The following EML6 variants were observed in gnomAD, a reference collection of about 807,000 sequenced individuals.
EML6 encodes EMAP like 6, also known as echinoderm microtubule-associated protein-like 6.
Under a neutral mutation model 240.1 loss-of-function variants are expected in EML6, and 154 were observed. The observed-to-expected ratio is 0.64, with a 90% CI of 0.56 to 0.73. The LOEUF is 0.73. EML6 is among the 30% of genes least tolerant of loss of function. EML6 has a pLI of 0.00. For missense variants in EML6, 2,964 were observed against 2,474.6 expected, an observed-to-expected ratio of 1.20 and a Z score of -4.20; for synonymous variants, 1,148 against 899.0, an observed-to-expected ratio of 1.28 and a Z score of -4.95.
At chr2:54,961,791 G>C (rs936030332) in intron 35 of EML6, among the ~76,000 whole-genome samples, 18 of 151,924 alleles carry the variant, frequency 1.2e-4, no homozygotes, top group African/African-American at 4.3e-4. Context: ...CATCACTTGA[G>C]GTCAGGAGTT....
chr2:54,968,667 G>A lies in EML6; in HGVS notation c.5752-1G>A. 1.3e-6 allele frequency: 2 copies of A among 1,546,646 alleles called. No homozygotes were observed. The highest frequency in any genetic ancestry group is 1.8e-6 in the Non-Finnish European group (2 of 1,142,432). On this transcript the variant is annotated splice_acceptor_variant, in intron 40 of 41. Coordinates refer to ENST00000356458, the MANE Select transcript of EML6 (RefSeq NM_001039753.4). LOFTEE classifies it high-confidence loss of function. Reference sequence around the variant, plus strand: ...CTGTCTCCATTCACTTTTGCTCACAGGCCAAACATAAGCGATACTTCGGTC... The same window carrying A: ...CTGTCTCCATTCACTTTTGCTCACAAGCCAAACATAAGCGATACTTCGGTC...
chr2:54,911,596 ATTTTT>A (rs1263765461), intron 25 of EML6, among the ~76,000 whole-genome samples: 1 of 151,900 alleles, frequency 6.6e-6, no homozygotes, highest in Admixed American at 6.6e-5. Context: ...CACCCAGCTA[ATTTTT>A]TTATTTTATT....
chr2:54,949,796 C>A (rs939370316), intron 29 of EML6, among the ~76,000 whole-genome samples: 6 of 152,306 alleles, frequency 3.9e-5, no homozygotes, highest in African/African-American at 1.2e-4. Context: ...ATCTCTGGCC[C>A]CCCAAACCCA....
At chr2:54,933,041 G>GT (rs1674943601) in intron 28 of EML6, among the ~76,000 whole-genome samples, 1 of 152,116 alleles carries the variant, frequency 6.6e-6, no homozygotes. Flanking sequence ...CAGGATTCTG[G>GT]TTTTTTCCTT....
rs901585181 is a variant in EML6 at position 54,797,179 on chromosome 2, A to C, written c.198-16053A>C. Among the ~76,000 whole-genome samples, 65 of 146,998 alleles carry C rather than the reference A, an allele frequency of 4.4e-4. 2 individuals are homozygous for C. Among genetic ancestry groups the C allele is most frequent in the Non-Finnish European group, 9.3e-4 (61 of 65,696 alleles). On this transcript the variant is annotated intron_variant, in intron 2 of 41. Coordinates refer to ENST00000356458, the MANE Select transcript of EML6 (RefSeq NM_001039753.4). ...GACTCCATCTCAAAAAAAAAAAAAAAAAAAAAAAAACTGTGATCTTGTAGG... is the reference window on the plus strand; with the variant it reads ...GACTCCATCTCAAAAAAAAAAAAAACAAAAAAAAAACTGTGATCTTGTAGG...
In EML6 at chr2:54,865,624, T is replaced by G. The variant is rs537315950; in HGVS notation, c.1933-1142T>G. Among the ~76,000 whole-genome samples, 35 of 152,374 alleles carry G rather than the reference T, an allele frequency of 2.3e-4. 1 individual carries two copies. In the South Asian group the frequency reaches 6.2e-3, roughly 27 times the overall value. ...AGGAAATGTGCATTGGAGCATTTTG[T>G]GTTTTGGTTTTGGATTTGGAATGCT... On this transcript the variant is annotated intron_variant, in intron 13 of 41. Coordinates refer to ENST00000356458, the MANE Select transcript of EML6 (RefSeq NM_001039753.4).
At position 54,968,685 on chromosome 2, in the gene EML6, C is replaced by T. The variant is rs748684461; in HGVS notation, c.5769C>T (p.Tyr1923=). 33 of 1,550,600 alleles carry T rather than the reference C, an allele frequency of 2.1e-5. No homozygotes were observed. Among genetic ancestry groups the T allele is most frequent in the Non-Finnish European group, 2.8e-5 (32 of 1,146,090 alleles). The change falls in exon 41 of 42, where the codon TAC becomes TAT. Residue 1923 remains tyrosine (Y), a synonymous_variant. Transcript: ENST00000356458. ...GCTCACAGGCCAAACATAAGCGATA[C>T]TTCGGTCACTCGGCTCACGTGACGA... is the stretch of plus-strand genomic sequence containing the variant. ...CTEKFAKHKR[Y]FGHSAHVTNI... is the part of the protein sequence containing the mutation.
At position 54,968,168 on chromosome 2, in the gene EML6, G is replaced by A; in HGVS notation, c.5638G>A (p.Ala1880Thr). The A allele has an allele frequency of 1.3e-6, 2 of 1,551,646 alleles. No homozygotes were observed. Residue 1880 changes from alanine to threonine, a missense_variant, in exon 40 of 42, where the codon GCA (alanine) becomes ACA (threonine). Ala to Thr is a moderately conservative substitution (Grantham distance 58). Coordinates refer to ENST00000356458, the MANE Select transcript of EML6 (RefSeq NM_001039753.4). ...DEVIGIWPRN[A>T]DKADVNCACV... ...AGTCATTGGAATCTGGCCACGAAAT[G>A]CAGACAAGGCTGATGTCAACTGCGC... is the stretch of plus-strand genomic sequence containing the variant.
chr2:54,950,126 C>G (rs1675899549), intron 29 of EML6, among the ~76,000 whole-genome samples: 1 of 148,684 alleles, frequency 6.7e-6, no homozygotes, highest in South Asian at 2.1e-4. Context: ...AGACTATAAA[C>G]CTCAACAGTA....
chr2:54,946,574 C>T (rs1675703888), intron 28 of EML6, among the ~76,000 whole-genome samples: 1 of 152,246 alleles, frequency 6.6e-6, no homozygotes. Context: ...GTCCCTCCCA[C>T]ATCTGATGTT....
chr2:54,759,594 A>G (rs1256429387), intron 2 of EML6, among the ~76,000 whole-genome samples: 2 of 152,128 alleles, frequency 1.3e-5, no homozygotes, highest in African/African-American at 4.8e-5. Context: ...TTAGCAATGG[A>G]TGCCAAATCT....
chr2:54,928,882 C>A (rs892366512), intron 28 of EML6, 131 bp downstream of exon 28: 5 of 1,066,876 alleles, frequency 4.7e-6, no homozygotes, highest in Non-Finnish European at 6.8e-6. Context: ...ACAGAGTCTT[C>A]ACCTGTACAC....
At chr2:54,795,528 G>A (rs1012701100) in intron 2 of EML6, among the ~76,000 whole-genome samples, 3 of 152,172 alleles carry the variant, frequency 2.0e-5, no homozygotes, top group African/African-American at 7.2e-5. Flanking sequence ...AAAGGGAAGA[G>A]GGGAAGGAGG....
intron 2 of EML6, among the ~76,000 whole-genome samples, chr2:54,803,631 A>G (rs1158192807): frequency 3.9e-5 from 6 of 152,208 alleles, no homozygotes; most frequent in African/African-American, 1.2e-4. Context: ...TAAGTTAAAG[A>G]TGAACTCTGC....
chr2:54,792,555 A>T (rs1014655280), intron 2 of EML6, among the ~76,000 whole-genome samples: 3 of 152,228 alleles, frequency 2.0e-5, no homozygotes, highest in African/African-American at 7.2e-5. Context: ...CACAGGGGAA[A>T]TTTGGAGGTG....
At chr2:54,753,628 C>A (rs1684269965) in intron 2 of EML6, among the ~76,000 whole-genome samples, 1 of 150,650 alleles carries the variant, frequency 6.6e-6, no homozygotes, top group South Asian at 2.1e-4. Context: ...GTCTCCCAGT[C>A]TCCCTAGGGC....
chr2:54,919,060 C>T (rs1309571701), intron 26 of EML6, among the ~76,000 whole-genome samples: 2 of 152,314 alleles, frequency 1.3e-5, no homozygotes, highest in East Asian at 3.9e-4. Flanking sequence ...CTAAACTTTT[C>T]AGCTATTACT....
chr2:54,855,031 T>C (rs1670297882), intron 11 of EML6, among the ~76,000 whole-genome samples: 1 of 152,202 alleles, frequency 6.6e-6, no homozygotes, highest in African/African-American at 2.4e-5. Flanking sequence ...ATCCTATACA[T>C]CCCAAGTCTT....
intron 2 of EML6, among the ~76,000 whole-genome samples, chr2:54,734,696 G>T (rs1292586280): frequency 1.3e-5 from 2 of 152,194 alleles, no homozygotes; most frequent in African/African-American, 4.8e-5. Context: ...AACTGGTAAA[G>T]AAATAGTTCC....
Sources: allele counts gnomAD v4.1 joint callset (sites outside exome capture counted in the v4.1 genomes callset), GRCh38; gene constraint gnomAD v4.1.1; transcripts MANE v1.5; gene names NCBI Gene and HGNC (gene_info 2026-07-23, HGNC 2026-07-21).